BEAN1: variants seen among roughly 807,000 people sequenced by gnomAD.
The protein encoded by BEAN1 is protein BEAN1.
BEAN1 carries 17 observed loss-of-function variants against 17.7 expected under a neutral mutation model. That is an observed-to-expected ratio of 0.96 (90% CI 0.66 to 1.44). The LOEUF is 1.44. Ranked by LOEUF, BEAN1 falls within the 40% of genes most tolerant of loss-of-function variation. The pLI is 0.00. For synonymous variants in BEAN1, 142 were observed against 151.8 expected (o/e 0.94, Z 0.47); for missense variants, 359 against 374.1 (o/e 0.96, Z 0.33).
rs1012154327 is a variant in BEAN1 at position 66,476,222 on chromosome 16, C to A, written c.290-1338C>A. The A allele has an allele frequency of 2.0e-5, 3 of 152,156 alleles. No individual in the cohort carries two copies. The East Asian group carries it at 5.8e-4, about 29-fold the overall frequency. The allele number at this position is 152,156 out of a possible 1,614,324, so 9.4% of individuals were successfully genotyped here. A position where few individuals can be genotyped will look rare whatever the true frequency, so the allele number is the denominator to read the frequency against. The stretch of plus-strand genomic sequence containing the variant: ...TGTTTGGAATATTTTCTTCTGAGAG[C>A]TTTCTCGGTGTCGGTATATAACCCT... On this transcript the variant is annotated intron_variant, in intron 3 of 4. Coordinates refer to ENST00000536005, the MANE Select transcript of BEAN1 (RefSeq NM_001178020.3).
At chr16:66,431,271 G>A (rs1006381359) in intron 1 of BEAN1, among the ~76,000 whole-genome samples, 1 of 152,152 alleles carries the variant, frequency 6.6e-6, no homozygotes, top group Non-Finnish European at 1.5e-5. Context: ...GACCAGCCTA[G>A]GCAACCCTGG....
intron 2 of BEAN1, among the ~76,000 whole-genome samples, chr16:66,458,730 C>T (rs1388533792): frequency 1.3e-5 from 2 of 152,214 alleles, no homozygotes; most frequent in African/African-American, 4.8e-5. Flanking sequence ...ACAAAATGTC[C>T]TCATCTGTAA....
intron 2 of BEAN1, among the ~76,000 whole-genome samples, chr16:66,462,485 C>T (rs1006615972): frequency 2.6e-5 from 4 of 152,268 alleles, no homozygotes; most frequent in East Asian, 1.9e-4. Context: ...CCTGGCTGGG[C>T]GCTGCAGATT....
chr16:66,436,018 G>A (rs1231595651), intron 1 of BEAN1, among the ~76,000 whole-genome samples: 2 of 152,118 alleles, frequency 1.3e-5, no homozygotes, highest in Non-Finnish European at 2.9e-5. Flanking sequence ...CCCTGCAGGG[G>A]CAAACTCTTT....
rs1772101485 is a variant in BEAN1 at position 66,427,641 on chromosome 16, C to A, written c.-83+210C>A. The stretch of plus-strand genomic sequence containing the variant: ...GGATCCCGGGTCTCCCGCGGACCCT[C>A]GACCCCGGGCTGGCCACTGGGATCT... On this transcript the variant is annotated intron_variant, in intron 1 of 4. Transcript: ENST00000536005. This position sits in a 1 kb window ranked among gnomAD's most constrained non-coding sequence, Gnocchi z 4.7. 1 of 152,076 alleles carries A rather than the reference C, an allele frequency of 6.6e-6. No homozygotes were observed. The highest frequency in any genetic ancestry group is 6.5e-5 in the Admixed American group (1 of 15,286). The allele number at this position is 152,076 out of a possible 1,614,324, so 9.4% of individuals were successfully genotyped here.
chr16:66,467,897 T>C (rs940958248), intron 2 of BEAN1, among the ~76,000 whole-genome samples: 3 of 152,236 alleles, frequency 2.0e-5, no homozygotes, highest in African/African-American at 7.2e-5. Flanking sequence ...CCCAAGGGCA[T>C]GTTTCTAGCC....
chr16:66,482,502 T>C lies in BEAN1; in HGVS notation c.*1577T>C, dbSNP rs1233062780. On this transcript the variant is annotated 3_prime_UTR_variant, in exon 5 of 5. Transcript: ENST00000536005. ...GCCTCCTGGAGCCCCAGACTCCATC[T>C]GGGGGAGGGACTTGTTTACAAGCAG... The C allele has an allele frequency of 1.0e-5, 2 of 193,116 alleles. No individual in the cohort carries two copies. Among genetic ancestry groups the C allele is most frequent in the Non-Finnish European group, 2.2e-5 (2 of 92,618 alleles). 12.0% of individuals were successfully genotyped at this position (193,116 alleles called of 1,614,324 possible).
At chr16:66,453,965 C>T (rs1215589481) in intron 2 of BEAN1, among the ~76,000 whole-genome samples, 1 of 152,140 alleles carries the variant, frequency 6.6e-6, no homozygotes, top group East Asian at 1.9e-4. Flanking sequence ...AACTCCTGAC[C>T]TCAAATGATC....
Position 66,480,589 on chromosome 16 carries a change from C to T in BEAN1, c.444C>T (p.Tyr148=), listed in dbSNP as rs376026948. The part of the protein sequence containing the change: ...RELYPDSPPG[Y]EECVGPGATQ... Reference sequence around the variant, plus strand: ...GAGGGAGCCTCTTCTCTCGTAGCTACGAGGAGTGTGTGGGGCCAGGGGCCA... The same window carrying T: ...GAGGGAGCCTCTTCTCTCGTAGCTATGAGGAGTGTGTGGGGCCAGGGGCCA... Residue 148 remains tyrosine (Y), a synonymous_variant, in exon 5 of 5, where the codon TAC becomes TAT. Transcript: ENST00000536005. 124 of 1,533,616 alleles carry T rather than the reference C, an allele frequency of 8.1e-5. No individual in the cohort carries two copies. The African/African-American group carries it at 1.4e-3, about 18-fold the overall frequency.
At position 66,450,230 on chromosome 16, in the gene BEAN1, CG is replaced by C. The variant is rs1157668779; in HGVS notation, c.25+12530del. On this transcript the variant is annotated intron_variant, in intron 2 of 4. Coordinates refer to ENST00000536005, the MANE Select transcript of BEAN1 (RefSeq NM_001178020.3). ...TACACGATTGTCTTATTACGAGAGC[CG>C]TGGGGATGGCAAGCTGATGAAACAC... Among the ~76,000 whole-genome samples, 3 of 152,236 alleles carry C rather than the reference CG, an allele frequency of 2.0e-5. No individual in the cohort carries two copies. The East Asian group carries it at 5.8e-4, about 29-fold the overall frequency.
At chr16:66,433,355 GC>G (rs1276602527) in intron 1 of BEAN1, among the ~76,000 whole-genome samples, 3 of 152,040 alleles carry the variant, frequency 2.0e-5, no homozygotes, top group Non-Finnish European at 4.4e-5. Flanking sequence ...CAAGTAATCC[GC>G]CCTCTTTGGC....
At chr16:66,436,898 T>C (rs1002861676) in intron 1 of BEAN1, among the ~76,000 whole-genome samples, 2 of 152,148 alleles carry the variant, frequency 1.3e-5, no homozygotes, top group African/African-American at 2.4e-5. Context: ...CCTTTGTTTC[T>C]GAATCGGTAA....
At position 66,437,676 on chromosome 16, in the gene BEAN1, C is replaced by T; in HGVS notation, c.-1C>T. On this transcript the variant is annotated 5_prime_UTR_variant, in exon 2 of 5. Transcript: ENST00000536005. The stretch of plus-strand genomic sequence containing the variant: ...CTCCGCTGTTCTGCTCCAAGGATTA[C>T]ATGTCCTTCAAACGTCCCTGCCCCT... The T allele has an allele frequency of 2.6e-6, 4 of 1,536,084 alleles. No homozygotes were observed. The highest frequency in any genetic ancestry group is 3.5e-6 in the Non-Finnish European group (4 of 1,146,840).
intron 4 of BEAN1, among the ~76,000 whole-genome samples, chr16:66,488,236 G>C (rs1964115757): frequency 2.0e-5 from 3 of 151,566 alleles, no homozygotes; most frequent in African/African-American, 7.3e-5. Flanking sequence ...GGGGGGTGGG[G>C]GCCTTGGAAT....
Position 66,437,663 on chromosome 16 carries a change from G to T in BEAN1, c.-14G>T. On this transcript the variant is annotated 5_prime_UTR_variant, in exon 2 of 5. Transcript: ENST00000536005. ...GTGGGCAGGCTGGCTCCGCTGTTCT[G>T]CTCCAAGGATTACATGTCCTTCAAA... 6.5e-7 allele frequency: 1 copy of T among 1,535,834 alleles called. No homozygotes were observed. The highest frequency in any genetic ancestry group is 2.4e-5 in the East Asian group (1 of 40,924).
At chr16:66,475,461 C>T (rs1963699905) in intron 3 of BEAN1, 1 of 152,266 alleles carries the variant, frequency 6.6e-6, no homozygotes, top group South Asian at 2.1e-4. Context: ...CCCAGGGATC[C>T]CTGTGTGACA....
At chr16:66,477,424 G>A (rs1963791758) in intron 3 of BEAN1, 136 bp from the exon 4 acceptor site, 1 of 890,486 alleles carries the variant, frequency 1.1e-6, no homozygotes, top group South Asian at 2.2e-5. Context: ...ATGGATGAAG[G>A]CAGCTGTGCT....
chr16:66,439,802 C>T (rs1962178751), intron 2 of BEAN1, among the ~76,000 whole-genome samples: 1 of 152,184 alleles, frequency 6.6e-6, no homozygotes. Context: ...CCTGACTCTG[C>T]CACCAGATCC....
downstream of BEAN1, among the ~76,000 whole-genome samples, chr16:66,486,666 G>A (rs1964093617): frequency 6.6e-6 from 1 of 152,212 alleles, no homozygotes; most frequent in Non-Finnish European, 1.5e-5. Flanking sequence ...GGTGGAAGAG[G>A]AGGAGCCACA....
Sources: gnomAD v4.1 joint callset for allele counts (sites outside exome capture counted in the v4.1 genomes callset) on GRCh38, gnomAD v4.1.1 for gene constraint, Gnocchi (gnomAD v3.1) non-coding constraint, MANE v1.5 for transcripts, NCBI Gene and HGNC (gene_info 2026-07-23, HGNC 2026-07-21) for gene names.